The following LSS variants were observed in gnomAD, a reference collection of about 807,000 sequenced individuals.
LSS encodes the protein 2,3-epoxysqualene-lanosterol cyclase.
Under a neutral mutation model 110.3 loss-of-function variants are expected in LSS, and 90 were observed. The ratio of observed to expected loss-of-function variants is 0.82; its 90% CI spans 0.69 to 0.97. LSS has a LOEUF of 0.97. Ranked by LOEUF, LSS falls within the 50% of genes least tolerant of loss-of-function variation. The probability of loss-of-function intolerance (pLI) is 0.00; values close to 1 mark genes in which losing one functional copy is unlikely to be tolerated. For missense variants in LSS, 927 were observed against 990.0 expected (o/e 0.94, Z 0.85); for synonymous variants, 433 against 400.0 (o/e 1.08, Z -0.98).
In LSS at chr21:46,195,679, T is replaced by C. The variant is rs528126813; in HGVS notation, c.1814A>G (p.Asp605Gly). 1 of 1,613,686 alleles carries C rather than the reference T, an allele frequency of 6.2e-7. No individual in the cohort carries two copies. The highest frequency in any genetic ancestry group is 8.5e-7 in the Non-Finnish European group (1 of 1,179,930). The change falls in exon 19 of 22, where the codon GAT becomes GGT. Residue 605 changes from aspartate (D) to glycine (G), a missense_variant. Coordinates refer to ENST00000397728, the MANE Select transcript of LSS (RefSeq NM_002340.6). ...CAGAGGACAGGCACTCACTCACCCA[T>C]CTCGGTAGGTCTGCCCCATACAGGC... ...AFACMGQTYR[D>G]GTACAEVSRA...
intron 15 of LSS, 126 bp downstream of exon 15, chr21:46,207,302 C>T: frequency 8.3e-7 from 1 of 1,203,678 alleles, no homozygotes. Flanking sequence ...AGACACCATC[C>T]AAGGACAAGC....
At chr21:46,214,085 G>C (rs1313164438) in intron 9 of LSS, among the ~76,000 whole-genome samples, 1 of 152,214 alleles carries the variant, frequency 6.6e-6, no homozygotes, top group Non-Finnish European at 1.5e-5. Context: ...CTGTGAGAAG[G>C]AGCAGCACTC....
At chr21:46,194,361 G>C (rs2079876422) in intron 20 of LSS, 130 bp downstream of exon 20, 2 of 1,099,590 alleles carry the variant, frequency 1.8e-6, no homozygotes, top group Non-Finnish European at 2.6e-6. Context: ...TCTGTTCCCA[G>C]AGTGGCAGCT....
chr21:46,213,772 G>A lies in LSS; in HGVS notation c.1075C>T (p.Gln359Ter). 2 of 1,614,110 alleles carry A rather than the reference G, an allele frequency of 1.2e-6. No individual in the cohort carries two copies. Among genetic ancestry groups the A allele is most frequent in the East Asian group, 2.2e-5 (1 of 44,880 alleles). The change falls in exon 10 of 22, where the codon CAG becomes TAG. Residue 359 changes from glutamine (Q) to a stop codon, truncating the protein, a stop_gained. Transcript: ENST00000397728. LOFTEE classifies it high-confidence loss of function. ...TCCGGGATTCTGGAGACATGCTCCTGGAAGGCAGTGGAGGCGGGCCCGTCC... is the reference window on the plus strand; with the variant it reads ...TCCGGGATTCTGGAGACATGCTCCTAGAAGGCAGTGGAGGCGGGCCCGTCC... ...YVDGPASTAF[Q>*]EHVSRIPDYL...
intron 17 of LSS, among the ~76,000 whole-genome samples, 179 bp downstream of exon 17, chr21:46,205,657 C>A (rs1291557437): frequency 6.6e-6 from 1 of 152,238 alleles, no homozygotes; most frequent in Non-Finnish European, 1.5e-5. Context: ...GAGCCCCTAA[C>A]AGATATTTTG....
intron 21 of LSS, among the ~76,000 whole-genome samples, chr21:46,191,630 C>T (rs1241391488): frequency 2.0e-5 from 3 of 152,198 alleles, no homozygotes; most frequent in Admixed American, 6.5e-5. Context: ...AAAGGCTTCC[C>T]GCCCACTGGC....
Position 46,215,198 on chromosome 21 carries a change from C to A in LSS, c.993G>T (p.Lys331Asn). The A allele has an allele frequency of 6.2e-7, 1 of 1,610,676 alleles. No homozygotes were observed. The highest frequency in any genetic ancestry group is 8.5e-7 in the Non-Finnish European group (1 of 1,179,910). ...CACTGACCGGGCCGATGCTGATGCT[C>A]TTGGTGAATCGGTCGTCGGCCACAA... ...EHIVADDRFTKSISIGPISKT... is the reference protein window; with the variant it reads ...EHIVADDRFTNSISIGPISKT... The change falls in exon 9 of 22, where the codon AAG becomes AAT. Residue 331 changes from lysine (K) to asparagine (N), a missense_variant. Physicochemically the swap from Lys to Asn is moderately conservative, Grantham distance 94. Coordinates refer to ENST00000397728, the MANE Select transcript of LSS (RefSeq NM_002340.6).
intron 20 of LSS, chr21:46,192,360 A>C (rs975914705): frequency 1.5e-5 from 6 of 405,318 alleles, no homozygotes; most frequent in Non-Finnish European, 2.9e-5. Flanking sequence ...GGCCCAGCTC[A>C]ACTGTGGGTC....
At position 46,208,446 on chromosome 21, in the gene LSS, G is replaced by A. The variant is rs116647055; in HGVS notation, c.1267-145C>T. The A allele has an allele frequency of 2.5e-3, 1,871 of 743,320 alleles. 19 individuals are homozygous for A. In the African/African-American group the frequency reaches 0.029, roughly 11 times the overall value. 46.0% of individuals were successfully genotyped at this position (743,320 alleles called of 1,614,324 possible). On this transcript the variant is annotated intron_variant, in intron 13 of 21. Coordinates refer to ENST00000397728, the MANE Select transcript of LSS (RefSeq NM_002340.6). ...TACTCTGCCGGCCACAGCCACCACT[G>A]GTGCTGCGAGGCGCGCGAGGGCCTG...
intron 21 of LSS, among the ~76,000 whole-genome samples, 166 bp from the exon 22 acceptor site, chr21:46,191,401 T>C (rs1004316471): frequency 6.6e-6 from 1 of 152,130 alleles, no homozygotes; most frequent in Non-Finnish European, 1.5e-5. Context: ...CCCGCATCAG[T>C]CATGGCACCA....
chr21:46,219,653 C>A, intron 5 of LSS, 81 bp from the exon 6 acceptor site: 1 of 836,802 alleles, frequency 1.2e-6, no homozygotes, highest in African/African-American at 1.7e-5. Flanking sequence ...AAGCTTCACC[C>A]TCTGGGAGTC....
chr21:46,211,376 A>C (rs1017813953), intron 11 of LSS, among the ~76,000 whole-genome samples: 1 of 152,050 alleles, frequency 6.6e-6, no homozygotes, highest in Non-Finnish European at 1.5e-5. Context: ...TGATCCGCCC[A>C]CCTTGGCCTC....
At chr21:46,213,639 TC>T in intron 10 of LSS, 98 bp downstream of exon 10, 1 of 881,484 alleles carries the variant, frequency 1.1e-6, no homozygotes, top group Non-Finnish European at 1.9e-6. Flanking sequence ...CTGGCAGTAT[TC>T]CCAGATGGCA....
Position 46,215,788 on chromosome 21 carries a change from G to A in LSS, c.789C>T (p.Leu263=). ...CAATGCTGGCGAAGTCCTCCACATA[G>A]AGCTCCTGGTGGGGGCAGTGTCTGA... ...DPLVQSLRQE[L]YVEDFASIDW... is the part of the protein sequence containing the mutation. The change falls in exon 8 of 22, where the codon CTC becomes CTT. Residue 263 remains leucine (L), a synonymous_variant. Coordinates refer to ENST00000397728, the MANE Select transcript of LSS (RefSeq NM_002340.6). 1 of 1,608,228 alleles carries A rather than the reference G, an allele frequency of 6.2e-7. No homozygotes were observed.
chr21:46,188,923 T>C lies in LSS; in HGVS notation c.*2181A>G. 2.6e-6 allele frequency: 1 copy of C among 383,634 alleles called. No homozygotes were observed. The highest frequency in any genetic ancestry group is 2.0e-5 in the South Asian group (1 of 49,774). The allele number at this position is 383,634 out of a possible 1,614,324, so 23.8% of individuals were successfully genotyped here. ...TATGCTTATGGCCTTTAAAACATAT[T>C]AAAATAGGCTATGCTATTATCTCTT... On this transcript the variant is annotated 3_prime_UTR_variant, in exon 22 of 22. Transcript: ENST00000397728.
At position 46,221,929 on chromosome 21, in the gene LSS, C is replaced by T; in HGVS notation, c.475G>A (p.Val159Met). The change falls in exon 5 of 22, where the codon GTG (valine) becomes ATG (methionine). Residue 159 changes from valine to methionine, a missense_variant. Val to Met is a conservative substitution (Grantham distance 21, BLOSUM62 1). Coordinates refer to ENST00000397728, the MANE Select transcript of LSS (RefSeq NM_002340.6). ...STVFGTALNY[V>M]SLRILGVGPD... is the part of the protein sequence containing the mutation. ...CCAACACCCAGAATTCTGAGAGACA[C>T]ATAGTTGAGCGCAGTCCCAAACACG... is the stretch of plus-strand genomic sequence containing the variant. 6.2e-7 allele frequency: 1 copy of T among 1,614,198 alleles called. No homozygotes were observed. The highest frequency in any genetic ancestry group is 8.5e-7 in the Non-Finnish European group (1 of 1,180,026).
intron 3 of LSS, among the ~76,000 whole-genome samples, chr21:46,224,482 C>T (rs1158710313): frequency 6.6e-6 from 1 of 152,146 alleles, no homozygotes; most frequent in Non-Finnish European, 1.5e-5. Flanking sequence ...CCCTGTGGGG[C>T]TGGTCCCTAC....
intron 4 of LSS, 121 bp downstream of exon 4, chr21:46,222,509 C>A: frequency 1.2e-6 from 1 of 826,356 alleles, no homozygotes; most frequent in Non-Finnish European, 1.9e-6. Flanking sequence ...CCTCACCCAC[C>A]CCACACCCAC....
At position 46,228,421 on chromosome 21, in the gene LSS, G is replaced by A; in HGVS notation, c.180+13C>T. 1 of 1,599,936 alleles carries A rather than the reference G, an allele frequency of 6.3e-7. No individual in the cohort carries two copies. Among genetic ancestry groups the A allele is most frequent in the Non-Finnish European group, 8.5e-7 (1 of 1,178,964 alleles). On this transcript the variant is annotated intron_variant, in intron 2 of 21. Transcript: ENST00000397728. The stretch of plus-strand genomic sequence containing the variant: ...GGTCCCGAGCTCGCTGACGCTCCGC[G>A]GAAGCAACTTACGGTGTCCAGCCCC...
Sources: gnomAD v4.1 joint callset for allele counts (sites outside exome capture counted in the v4.1 genomes callset) on GRCh38, gnomAD v4.1.1 for gene constraint, MANE v1.5 for transcripts, NCBI Gene and HGNC (gene_info 2026-07-23, HGNC 2026-07-21) for gene names.